The following GPC6 variants were observed in gnomAD, a reference collection of about 807,000 sequenced individuals.
GPC6 encodes glypican-6.
Under a neutral mutation model 55.2 loss-of-function variants are expected in GPC6, and 14 were observed. The ratio of observed to expected loss-of-function variants is 0.25; its 90% CI spans 0.17 to 0.40. The LOEUF is 0.40. Among genes scored for constraint, GPC6 ranks in the 10% least tolerant of loss-of-function variants. The pLI, the probability that GPC6 is intolerant of heterozygous loss-of-function variation, is 1.00. For synonymous variants in GPC6, 278 were observed against 259.6 expected, an observed-to-expected ratio of 1.07 and a Z score of -0.68; for missense variants, 641 against 708.5, an observed-to-expected ratio of 0.90 and a Z score of 1.08.
intron 2 of GPC6, among the ~76,000 whole-genome samples, chr13:93,802,493 G>A (rs1886407067): frequency 6.6e-6 from 1 of 151,838 alleles, no homozygotes; most frequent in South Asian, 2.1e-4. Flanking sequence ...AAATTCCTGA[G>A]CTGAAGCCAT....
At chr13:93,463,023 A>G (rs2590553) in intron 1 of GPC6, among the ~76,000 whole-genome samples, 109,420 of 152,046 alleles carry the variant, frequency 0.72, 39,590 homozygotes, top group East Asian at 0.99. Context: ...AAGAATTAGG[A>G]CAATCTTTTT....
At chr13:94,245,120 T>C (rs979345737) in intron 4 of GPC6, among the ~76,000 whole-genome samples, 3 of 152,084 alleles carry the variant, frequency 2.0e-5, no homozygotes, top group African/African-American at 7.2e-5. Context: ...TTTTGACTTG[T>C]TCATCCTACA....
chr13:94,028,025 G>A (rs1882969336), intron 4 of GPC6, 131 bp downstream of exon 4: 2 of 855,336 alleles, frequency 2.3e-6, no homozygotes, highest in Admixed American at 3.9e-5. Context: ...AGCACTTTGG[G>A]AGGCCAGTAC....
chr13:93,522,319 C>T (rs1724347307), intron 1 of GPC6, among the ~76,000 whole-genome samples: 1 of 152,036 alleles, frequency 6.6e-6, no homozygotes, highest in Admixed American at 6.6e-5. Context: ...TCACCCCATT[C>T]CGATTCCTGG....
At chr13:94,047,491 A>C (rs1442826288) in intron 4 of GPC6, among the ~76,000 whole-genome samples, 2 of 152,178 alleles carry the variant, frequency 1.3e-5, no homozygotes, top group Non-Finnish European at 2.9e-5. Flanking sequence ...TTCTCCTACA[A>C]AAAACAAGAA....
chr13:93,913,002 C>A (rs1877089933), intron 3 of GPC6, among the ~76,000 whole-genome samples: 1 of 152,146 alleles, frequency 6.6e-6, no homozygotes, highest in South Asian at 2.1e-4. Flanking sequence ...ATAAAGACAC[C>A]AGTTATTGTA....
At chr13:93,578,670 C>G (rs1439260597) in intron 2 of GPC6, among the ~76,000 whole-genome samples, 1 of 146,138 alleles carries the variant, frequency 6.8e-6, no homozygotes, top group Non-Finnish European at 1.5e-5. Flanking sequence ...ATTTTTAAGT[C>G]TCAGTTTCAT....
chr13:93,307,303 C>G (rs529991783), intron 1 of GPC6, among the ~76,000 whole-genome samples: 4 of 152,022 alleles, frequency 2.6e-5, no homozygotes, highest in African/African-American at 9.7e-5. Flanking sequence ...GAATCATGTA[C>G]TCTTATTGTT....
intron 2 of GPC6, among the ~76,000 whole-genome samples, chr13:93,575,986 A>C (rs9584137): frequency 0.022 from 3,324 of 151,550 alleles, 118 homozygotes; most frequent in African/African-American, 0.076. Context: ...GTCTTCATTG[A>C]CTCTATAATA....
intron 2 of GPC6, among the ~76,000 whole-genome samples, chr13:93,564,193 A>G (rs748231912): frequency 3.3e-5 from 5 of 152,176 alleles, no homozygotes; most frequent in Non-Finnish European, 7.3e-5. Context: ...AGATTCTGTA[A>G]AACCTTAAAA....
At position 93,340,026 on chromosome 13, in the gene GPC6, CTTTTTT is replaced by C. The variant is rs10714044; in HGVS notation, c.160+112432_160+112437del. On this transcript the variant is annotated intron_variant, in intron 1 of 8. Coordinates refer to ENST00000377047, the MANE Select transcript of GPC6 (RefSeq NM_005708.5). ...AAAAACAAAAACAAAAGTTTTCTTT[CTTTTTT>C]TTTTTTTTTTTTTTTTTTTTTGAGA... Among the ~76,000 whole-genome samples, 30 of 81,620 alleles carry C rather than the reference CTTTTTT, an allele frequency of 3.7e-4. 1 individual carries two copies. Among genetic ancestry groups the C allele is most frequent in the East Asian group, 7.2e-4 (2 of 2,794 alleles). 53.5% of individuals were successfully genotyped at this position (81,620 alleles called of 152,430 possible).
chr13:94,394,509 CA>C (rs1303691496), intron 7 of GPC6, among the ~76,000 whole-genome samples: 1 of 152,172 alleles, frequency 6.6e-6, no homozygotes, highest in African/African-American at 2.4e-5. Context: ...ATTGTGGGCT[CA>C]AAGACATATC....
intron 1 of GPC6, among the ~76,000 whole-genome samples, chr13:93,445,219 C>T (rs1044833510): frequency 6.6e-6 from 1 of 152,060 alleles, no homozygotes; most frequent in African/African-American, 2.4e-5. Context: ...TCCTTTCTTT[C>T]GTTTCGTAAC....
In GPC6 at chr13:93,712,347, A is replaced by G. The variant is rs1446133151; in HGVS notation, c.320-117807A>G. ...ATAGGGCAATCATATGAAATATAAA[A>G]CATTGAACCCCAAATAGACCAAGTT... On this transcript the variant is annotated intron_variant, in intron 2 of 8. Coordinates refer to ENST00000377047, the MANE Select transcript of GPC6 (RefSeq NM_005708.5). 5.3e-5 allele frequency among the ~76,000 whole-genome samples: 8 copies of G among 151,836 alleles called. No individual in the cohort carries two copies. In the East Asian group the frequency reaches 1.4e-3, roughly 26 times the overall value.
rs182012008 is a variant in GPC6, at chr13:93,542,341, C to G, written c.161-2922C>G. 4.7e-4 allele frequency among the ~76,000 whole-genome samples: 72 copies of G among 152,084 alleles called. No homozygotes were observed. In the East Asian group the frequency reaches 0.011, roughly 23 times the overall value. ...CAAAGATCAGATAGTTGTAGATATG[C>G]GGCATTATTTCTGAGGGCTCTGTTC... is the stretch of plus-strand genomic sequence containing the variant. On this transcript the variant is annotated intron_variant, in intron 1 of 8. Coordinates refer to ENST00000377047, the MANE Select transcript of GPC6 (RefSeq NM_005708.5).
chr13:94,112,438 A>G (rs1377762531), intron 4 of GPC6, among the ~76,000 whole-genome samples: 1 of 152,108 alleles, frequency 6.6e-6, no homozygotes, highest in Non-Finnish European at 1.5e-5. Flanking sequence ...TCGCACACAC[A>G]CTCATTAACC....
rs1461644321 is a variant in GPC6 at position 93,646,224 on chromosome 13, AT to A, written c.319+100804del. Reference sequence around the variant, plus strand: ...CTTGTGAATTTCCTAAACATAATTAATCACATTGATTAATGACCTGAATTAA... The same window carrying A: ...CTTGTGAATTTCCTAAACATAATTAACACATTGATTAATGACCTGAATTAA... On this transcript the variant is annotated intron_variant, in intron 2 of 8. Coordinates refer to ENST00000377047, the MANE Select transcript of GPC6 (RefSeq NM_005708.5). Among the ~76,000 whole-genome samples the A allele has an allele frequency of 9.8e-5, 15 of 152,288 alleles. No homozygotes were observed. In the South Asian group the frequency reaches 1.7e-3, roughly 17 times the overall value.
At chr13:93,645,626 C>A (rs562815396) in intron 2 of GPC6, among the ~76,000 whole-genome samples, 11 of 152,246 alleles carry the variant, frequency 7.2e-5, no homozygotes, top group Admixed American at 2.0e-4. Flanking sequence ...TTGAAGTCCT[C>A]ACGTTTTGTC....
Position 93,893,218 on chromosome 13 carries a change from C to T in GPC6, c.711+62673C>T, listed in dbSNP as rs150435482. 3.6e-3 allele frequency among the ~76,000 whole-genome samples: 540 copies of T among 152,044 alleles called. 4 individuals are homozygous for T. Among genetic ancestry groups the T allele is most frequent in the African/African-American group, 0.012 (512 of 41,498 alleles). ...GGGATCACAGGTGCCTGCCACCACG[C>T]GTGGCTAATTTTTGTATTTTAGTAG... is the stretch of plus-strand genomic sequence containing the variant. On this transcript the variant is annotated intron_variant, in intron 3 of 8. Coordinates refer to ENST00000377047, the MANE Select transcript of GPC6 (RefSeq NM_005708.5).
Sources: gnomAD v4.1 joint callset for allele counts (sites outside exome capture counted in the v4.1 genomes callset) on GRCh38, gnomAD v4.1.1 for gene constraint, MANE v1.5 for transcripts, NCBI Gene and HGNC (gene_info 2026-07-23, HGNC 2026-07-21) for gene names.